Variants in LINGO1 observed in about 807,000 individuals in gnomAD.
LINGO1 encodes the protein leucine rich repeat and Ig domain containing 1.
A neutral mutation model predicts 37.3 loss-of-function variants in LINGO1; 11 were observed. The observed-to-expected ratio is 0.29, with a 90% CI of 0.19 to 0.49. LINGO1 has a LOEUF of 0.49. LINGO1 is among the 20% of genes least tolerant of loss of function. The pLI, the probability that LINGO1 is intolerant of heterozygous loss-of-function variation, is 0.99. For synonymous variants in LINGO1, 387 were observed against 403.0 expected (o/e 0.96, Z 0.48); for missense variants, 585 against 878.2 (o/e 0.67, Z 4.22).
intron 1 of LINGO1, among the ~76,000 whole-genome samples, chr15:77,746,377 C>T (rs1567560274): frequency 6.6e-6 from 1 of 152,174 alleles, no homozygotes; most frequent in Non-Finnish European, 1.5e-5. Context: ...AACGCCAATA[C>T]TGAAAGCACT....
At position 77,749,068 on chromosome 15, in the gene LINGO1, C is replaced by G. The variant is rs371790699; in HGVS notation, c.-256-14015G>C. Among the ~76,000 whole-genome samples, 23 of 151,710 alleles carry G rather than the reference C, an allele frequency of 1.5e-4. No individual in the cohort carries two copies. The East Asian group carries it at 3.7e-3, about 24-fold the overall frequency. The stretch of plus-strand genomic sequence containing the variant: ...GATTACAGGCGCACACTACCACGCC[C>G]GGCTAATTTTTGTATTTTTAGTAGA... On this transcript the variant is annotated intron_variant, in intron 1 of 3. Transcript: ENST00000561686.
intron 3 of LINGO1, among the ~76,000 whole-genome samples, chr15:77,668,740 A>G (rs2075188066): frequency 6.6e-6 from 1 of 151,830 alleles, no homozygotes; most frequent in Non-Finnish European, 1.5e-5. Flanking sequence ...ACGGTATTCA[A>G]CACACATATA....
At chr15:77,657,011 A>G (rs2074880217) in intron 3 of LINGO1, among the ~76,000 whole-genome samples, 1 of 152,050 alleles carries the variant, frequency 6.6e-6, no homozygotes, top group East Asian at 1.9e-4. Context: ...TCATGCCCCT[A>G]AACTCTCCCC....
At chr15:77,671,723 G>A (rs1343214642) in intron 3 of LINGO1, among the ~76,000 whole-genome samples, 2 of 152,228 alleles carry the variant, frequency 1.3e-5, no homozygotes, top group Admixed American at 1.3e-4. Flanking sequence ...AAGGAGCTCA[G>A]CCACCCTCCT....
In LINGO1 at chr15:77,796,757, C is replaced by G. The variant is rs8030690; in HGVS notation, c.-457-704G>C. The stretch of plus-strand genomic sequence containing the variant: ...GGCAGAGTCTTGCTCTGCCACCCAG[C>G]CTGGAGGGCAGTGGTGCCATCATGG... On this transcript the variant is annotated intron_variant, in intron 1 of 5. Transcript: ENST00000562933. 2.6e-5 allele frequency among the ~76,000 whole-genome samples: 4 copies of G among 151,720 alleles called. No homozygotes were observed. In the South Asian group the frequency reaches 8.3e-4, roughly 32 times the overall value.
chr15:77,728,987 G>A (rs1272384945), intron 2 of LINGO1, among the ~76,000 whole-genome samples: 1 of 152,272 alleles, frequency 6.6e-6, no homozygotes, highest in Non-Finnish European at 1.5e-5. Context: ...ACTTGGCCAA[G>A]TATTTGCAAG....
At chr15:77,728,438 ACACACAGGGGC>A (rs887191194) in intron 2 of LINGO1, among the ~76,000 whole-genome samples, 23 of 152,316 alleles carry the variant, frequency 1.5e-4, no homozygotes, top group African/African-American at 4.8e-4. Flanking sequence ...AGTGGGTGCC[ACACACAGGGGC>A]CACACCTGGA....
chr15:77,712,212 G>C (rs2075926479), intron 2 of LINGO1, among the ~76,000 whole-genome samples: 1 of 151,882 alleles, frequency 6.6e-6, no homozygotes, highest in Non-Finnish European at 1.5e-5. Flanking sequence ...CTCTATCCCA[G>C]GCCACACCCT....
At chr15:77,791,723 C>T (rs930704530), upstream of LINGO1, among the ~76,000 whole-genome samples, 1 of 152,126 alleles carries the variant, frequency 6.6e-6, no homozygotes, top group African/African-American at 2.4e-5. Flanking sequence ...GAGTCCCTTA[C>T]AAGAGGAAAG....
At chr15:77,705,012 G>C (rs1308653527) in intron 2 of LINGO1, among the ~76,000 whole-genome samples, 1 of 152,098 alleles carries the variant, frequency 6.6e-6, no homozygotes, top group Non-Finnish European at 1.5e-5. Context: ...TCTCCTTGTG[G>C]AGAAGTTGCT....
At chr15:77,652,481 A>AGTGTGTGTGTGT (rs1490464576) in intron 3 of LINGO1, among the ~76,000 whole-genome samples, 3 of 56,294 alleles carry the variant, frequency 5.3e-5, no homozygotes, top group African/African-American at 7.8e-5. Flanking sequence ...CTGGGGAGGG[A>AGTGTGTGTGTGT]GAGTGTGTGT....
chr15:77,632,371 C>T lies in LINGO1; in HGVS notation c.-56G>A. On this transcript the variant is annotated 5_prime_UTR_variant, in exon 1 of 2. Transcript: ENST00000355300. The surrounding 1 kb of genome is among the most constrained non-coding windows in gnomAD (Gnocchi z 6.0). ...GTCACCAATCGCATGTCTCTCCAGCCGGCCCGACCAGGCCCCAGCCCCTGC... is the reference window on the plus strand; with the variant it reads ...GTCACCAATCGCATGTCTCTCCAGCTGGCCCGACCAGGCCCCAGCCCCTGC... 9 of 1,371,852 alleles carry T rather than the reference C, an allele frequency of 6.6e-6. 1 individual carries two copies. The highest frequency in any genetic ancestry group is 8.5e-6 in the Non-Finnish European group (9 of 1,057,620). The allele number at this position is 1,371,852 out of a possible 1,614,324, so 85.0% of individuals were successfully genotyped here. A position where few individuals can be genotyped will look rare whatever the true frequency, so the allele number is the denominator to read the frequency against.
chr15:77,657,614 C>T (rs2074893069), intron 3 of LINGO1, among the ~76,000 whole-genome samples: 1 of 152,146 alleles, frequency 6.6e-6, no homozygotes, highest in Non-Finnish European at 1.5e-5. Context: ...TACAAGGTCA[C>T]ACAGCGAGCC....
chr15:77,622,437 G>A (rs531492494), intron 1 of LINGO1, among the ~76,000 whole-genome samples: 26 of 152,244 alleles, frequency 1.7e-4, no homozygotes, highest in Non-Finnish European at 2.2e-4. Flanking sequence ...ACACAGCCCC[G>A]TCCCGGCCAC....
In LINGO1 at chr15:77,713,210, T is replaced by TTGTGTGTGTGTGTG. The variant is rs57831674; in HGVS notation, c.-195+21768_-195+21781dup. On this transcript the variant is annotated intron_variant, in intron 2 of 3. Transcript: ENST00000561686. The stretch of plus-strand genomic sequence containing the variant: ...GGCACACACCACCATGCCCAGCTAA[T>TTGTGTGTGTGTGTG]TGTGTGTGTGTGTGTGTGTGTGTGT... 3.8e-3 allele frequency among the ~76,000 whole-genome samples: 473 copies of TTGTGTGTGTGTGTG among 123,798 alleles called. 8 individuals carry two copies. Among genetic ancestry groups the TTGTGTGTGTGTGTG allele is most frequent in the Admixed American group, 9.8e-3 (116 of 11,868 alleles). The allele number at this position is 123,798 out of a possible 152,430, so 81.2% of individuals were successfully genotyped here. A position where few individuals can be genotyped will look rare whatever the true frequency, so the allele number is the denominator to read the frequency against.
upstream of LINGO1, chr15:77,788,192 G>C (rs1182816940): frequency 2.6e-5 from 4 of 152,238 alleles, no homozygotes; most frequent in East Asian, 7.7e-4. Context: ...GCCCTGCCTG[G>C]GCCACCATGT....
chr15:77,694,434 C>T (rs1211889123), intron 1 of LINGO1, among the ~76,000 whole-genome samples: 2 of 152,112 alleles, frequency 1.3e-5, no homozygotes, highest in Non-Finnish European at 2.9e-5. Context: ...TGTGGCCTCA[C>T]ACCTAGGGAC....
intron 1 of LINGO1, chr15:77,785,051 C>T (rs2076757916): frequency 6.6e-6 from 1 of 152,240 alleles, no homozygotes; most frequent in Non-Finnish European, 1.5e-5. Flanking sequence ...GAAACACGGC[C>T]AGGGCAGGCC....
chr15:77,764,070 C>T (rs2076503676), intron 1 of LINGO1, among the ~76,000 whole-genome samples: 1 of 152,222 alleles, frequency 6.6e-6, no homozygotes, highest in South Asian at 2.1e-4. Flanking sequence ...TGTCAAGGAT[C>T]AAGTAACGCA....
Sources: gnomAD v4.1 joint callset for allele counts (sites outside exome capture counted in the v4.1 genomes callset) on GRCh38, gnomAD v4.1.1 for gene constraint, Gnocchi (gnomAD v3.1) non-coding constraint, MANE v1.5 for transcripts, NCBI Gene and HGNC (gene_info 2026-07-23, HGNC 2026-07-21) for gene names.